GJA3: variants seen among roughly 807,000 people sequenced by gnomAD.
GJA3 encodes gap junction alpha-3 protein.
For synonymous variants in GJA3, 297 were observed against 292.6 expected (o/e 1.02, Z -0.15); for missense variants, 571 against 620.3 (o/e 0.92, Z 0.84).
At chr13:20,146,881 G>A (rs1958845850) in intron 1 of GJA3, among the ~76,000 whole-genome samples, 1 of 152,232 alleles carries the variant, frequency 6.6e-6, no homozygotes, top group Non-Finnish European at 1.5e-5. Flanking sequence ...TCCCTGAGCA[G>A]TGCTGGCTGG....
intron 1 of GJA3, among the ~76,000 whole-genome samples, chr13:20,158,482 T>C (rs1420239489): frequency 6.6e-6 from 1 of 151,984 alleles, no homozygotes. Context: ...AGCTAATTAA[T>C]TTTTATATCT....
chr13:20,142,311 C>G lies in GJA3; in HGVS notation c.978G>C (p.Gln326His). 5.1e-6 allele frequency: 8 copies of G among 1,575,452 alleles called. No homozygotes were observed. Among genetic ancestry groups the G allele is most frequent in the Non-Finnish European group, 6.9e-6 (8 of 1,161,446 alleles). ...GCTCGGCCGCCTGGTTGGCCCAGTT[C>G]TGCTCAGTCATCAGCAGGTGGTGGT... ...NGHHHLLMTE[Q>H]NWANQAAERQ... is the part of the protein sequence containing the mutation. Residue 326 changes from glutamine (Q) to histidine (H), a missense_variant, in exon 2 of 2, where the codon CAG (glutamine) becomes CAC (histidine). Transcript: ENST00000241125.
rs1958806205 is a variant in GJA3 at position 20,141,429 on chromosome 13, G to C, written c.*552C>G. 1 of 152,608 alleles carries C rather than the reference G, an allele frequency of 6.6e-6. No individual in the cohort carries two copies. The highest frequency in any genetic ancestry group is 1.5e-5 in the Non-Finnish European group (1 of 68,046). The allele number at this position is 152,608 out of a possible 1,614,324, so 9.5% of individuals were successfully genotyped here. On this transcript the variant is annotated 3_prime_UTR_variant, in exon 2 of 2. Transcript: ENST00000241125. ...ATCCTGGGCTTCACATGCAATTTCG[G>C]AAACTCAAATGACACTACATAGACT...
intron 1 of GJA3, among the ~76,000 whole-genome samples, chr13:20,155,631 T>C (rs1958903066): frequency 6.6e-6 from 1 of 152,032 alleles, no homozygotes; most frequent in Non-Finnish European, 1.5e-5. Context: ...TGCTAGTTTA[T>C]CTTTTGTTAA....
rs1263787428 is a variant in GJA3 at position 20,140,632 on chromosome 13, C to A, written c.*1349G>T. ...TGTGCAGGACAGAAAATTCTGCCGT[C>A]TTCCAGCCATGCCCACACACATAAA... On this transcript the variant is annotated 3_prime_UTR_variant, in exon 2 of 2. Coordinates refer to ENST00000241125, the MANE Select transcript of GJA3 (RefSeq NM_021954.4). 1.3e-5 allele frequency: 2 copies of A among 152,188 alleles called. No individual in the cohort carries two copies. The highest frequency in any genetic ancestry group is 4.8e-5 in the African/African-American group (2 of 41,434). The allele number at this position is 152,188 out of a possible 1,614,324, so 9.4% of individuals were successfully genotyped here. A position where few individuals can be genotyped will look rare whatever the true frequency, so the allele number is the denominator to read the frequency against.
chr13:20,149,752 AG>A (rs1287222624), intron 1 of GJA3, among the ~76,000 whole-genome samples: 5 of 152,254 alleles, frequency 3.3e-5, no homozygotes, highest in African/African-American at 1.2e-4. Context: ...AGGTGGGAAC[AG>A]GGGTTGTGGG....
rs569105913 is a variant in GJA3 at position 20,159,854 on chromosome 13, G to A, written c.-18+1036C>T. 3.9e-5 allele frequency among the ~76,000 whole-genome samples: 6 copies of A among 152,210 alleles called. No homozygotes were observed. In the South Asian group the frequency reaches 1.2e-3, roughly 32 times the overall value. ...GTTTACTTTGAACACACTGATATTC[G>A]GAAAATAAATCCCTCTTTTTTCCTC... On this transcript the variant is annotated intron_variant, in intron 1 of 1. Transcript: ENST00000241125.
chr13:20,159,671 G>C (rs899494365), intron 1 of GJA3, among the ~76,000 whole-genome samples: 3 of 152,008 alleles, frequency 2.0e-5, no homozygotes, highest in African/African-American at 7.2e-5. Flanking sequence ...GCCAGTTAAC[G>C]GTTCCTGGTT....
rs1262846591 is a variant in GJA3, at chr13:20,140,829, T to G, written c.*1152A>C. ...TTAGGAAGCTTGAAGTGTTTTATTC[T>G]GTACTTTTTAAAAGTGTAGATTGTC... On this transcript the variant is annotated 3_prime_UTR_variant, in exon 2 of 2. Coordinates refer to ENST00000241125, the MANE Select transcript of GJA3 (RefSeq NM_021954.4). 1.3e-5 allele frequency: 2 copies of G among 152,272 alleles called. No individual in the cohort carries two copies. The highest frequency in any genetic ancestry group is 1.9e-4 in the East Asian group (1 of 5,204). 9.4% of individuals were successfully genotyped at this position (152,272 alleles called of 1,614,324 possible).
Position 20,141,849 on chromosome 13 carries a change from C to A in GJA3, c.*132G>T. The A allele has an allele frequency of 2.3e-6, 3 of 1,333,210 alleles. No homozygotes were observed. The South Asian group carries it at 4.3e-5, about 19-fold the overall frequency. The allele number at this position is 1,333,210 out of a possible 1,614,324, so 82.6% of individuals were successfully genotyped here. A position where few individuals can be genotyped will look rare whatever the true frequency, so the allele number is the denominator to read the frequency against. On this transcript the variant is annotated 3_prime_UTR_variant, in exon 2 of 2. Transcript: ENST00000241125. ...GAAACCTGATCTCTCCTCCATCGTC[C>A]ACCTCCTGGGACTCCAGTCGCTCCC...
In GJA3 at chr13:20,138,675, GGTGGC is replaced by G. The variant is rs2141135386; in HGVS notation, c.*3301_*3305del. On this transcript the variant is annotated 3_prime_UTR_variant, in exon 2 of 2. Transcript: ENST00000241125. ...ATTTGTAGGGGTGGCGGGTGGTGAT[GGTGGC>G]AGGACTCTATTCATCTTTGGAAAAC... The G allele has an allele frequency of 1.3e-5, 2 of 152,316 alleles. No homozygotes were observed. Among genetic ancestry groups the G allele is most frequent in the African/African-American group, 4.8e-5 (2 of 41,540 alleles). The allele number at this position is 152,316 out of a possible 1,614,324, so 9.4% of individuals were successfully genotyped here. A position where few individuals can be genotyped will look rare whatever the true frequency, so the allele number is the denominator to read the frequency against.
chr13:20,157,255 T>C lies in GJA3; in HGVS notation c.-18+3635A>G, dbSNP rs375717505. Among the ~76,000 whole-genome samples the C allele has an allele frequency of 4.6e-4, 70 of 152,316 alleles. No individual in the cohort carries two copies. In the South Asian group the frequency reaches 0.014, roughly 30 times the overall value. On this transcript the variant is annotated intron_variant, in intron 1 of 1. Transcript: ENST00000241125. ...AGAAAATTACAGGGGTGCTTCAGCA[T>C]AGCAGCGATCAGAACAGGCTTTTGT...
chr13:20,141,601 A>C lies in GJA3; in HGVS notation c.*380T>G. The C allele has an allele frequency of 5.3e-6, 1 of 187,112 alleles. No homozygotes were observed. Among genetic ancestry groups the C allele is most frequent in the Non-Finnish European group, 1.1e-5 (1 of 91,194 alleles). 11.6% of individuals were successfully genotyped at this position (187,112 alleles called of 1,614,324 possible). Reference sequence around the variant, plus strand: ...CCCAGAGGCTCTGGAGAGCTTAGGAATAGCAAACCCAATTGCCCAGGAGCT... The same window carrying C: ...CCCAGAGGCTCTGGAGAGCTTAGGACTAGCAAACCCAATTGCCCAGGAGCT... On this transcript the variant is annotated 3_prime_UTR_variant, in exon 2 of 2. Coordinates refer to ENST00000241125, the MANE Select transcript of GJA3 (RefSeq NM_021954.4).
Position 20,141,081 on chromosome 13 carries a change from T to C in GJA3, c.*900A>G, listed in dbSNP as rs763170362. On this transcript the variant is annotated 3_prime_UTR_variant, in exon 2 of 2. Transcript: ENST00000241125. ...TGCTAGTAGCATGCATTAGGGCAAATTAGCACTGTCTTGGTCAGCAATCAT... is the reference window on the plus strand; with the variant it reads ...TGCTAGTAGCATGCATTAGGGCAAACTAGCACTGTCTTGGTCAGCAATCAT... The C allele has an allele frequency of 1.3e-5, 2 of 152,214 alleles. No individual in the cohort carries two copies. Among genetic ancestry groups the C allele is most frequent in the Non-Finnish European group, 2.9e-5 (2 of 68,034 alleles). The allele number at this position is 152,214 out of a possible 1,614,324, so 9.4% of individuals were successfully genotyped here.
chr13:20,143,649 T>G (rs149153298), intron 1 of GJA3, among the ~76,000 whole-genome samples: 166 of 152,384 alleles, frequency 1.1e-3, no homozygotes, highest in South Asian at 5.4e-3. Context: ...TTCTGAATCA[T>G]GACCTTTCTG....
rs946255316 is a variant in GJA3, at chr13:20,142,522, G to A, written c.767C>T (p.Pro256Leu). The change falls in exon 2 of 2, where the codon CCC becomes CTC. Residue 256 changes from proline (P) to leucine (L), a missense_variant. Coordinates refer to ENST00000241125, the MANE Select transcript of GJA3 (RefSeq NM_021954.4). Reference protein sequence around the residue: ...PLGTADPPPLPPSSRPPAVAI... With the variant: ...PLGTADPPPLLPSSRPPAVAI... ...AACGGCGGGCGGCCGGGAGCTGGGGGGCAGGGGCGGGGGATCGGCTGTCCC... is the reference window on the plus strand; with the variant it reads ...AACGGCGGGCGGCCGGGAGCTGGGGAGCAGGGGCGGGGGATCGGCTGTCCC... 1.3e-6 allele frequency: 2 copies of A among 1,555,546 alleles called. No individual in the cohort carries two copies. Among genetic ancestry groups the A allele is most frequent in the Admixed American group, 3.9e-5 (2 of 51,550 alleles).
intron 1 of GJA3, among the ~76,000 whole-genome samples, chr13:20,148,255 T>C (rs1958855417): frequency 1.3e-4 from 2 of 15,024 alleles, no homozygotes; most frequent in African/African-American, 1.6e-4. Context: ...CTATGGTTCT[T>C]TTTTTTTTTT....
rs987548753 is a variant in GJA3, at chr13:20,140,807, G to C, written c.*1174C>G. On this transcript the variant is annotated 3_prime_UTR_variant, in exon 2 of 2. Coordinates refer to ENST00000241125, the MANE Select transcript of GJA3 (RefSeq NM_021954.4). ...ACAGGCTGCCCACAAAGAATGATTAGGAAGCTTGAAGTGTTTTATTCTGTA... is the reference window on the plus strand; with the variant it reads ...ACAGGCTGCCCACAAAGAATGATTACGAAGCTTGAAGTGTTTTATTCTGTA... 1.3e-5 allele frequency: 2 copies of C among 152,188 alleles called. No homozygotes were observed. Among genetic ancestry groups the C allele is most frequent in the African/African-American group, 2.4e-5 (1 of 41,454 alleles). The allele number at this position is 152,188 out of a possible 1,614,324, so 9.4% of individuals were successfully genotyped here. A position where few individuals can be genotyped will look rare whatever the true frequency, so the allele number is the denominator to read the frequency against.
intron 1 of GJA3, among the ~76,000 whole-genome samples, chr13:20,150,764 G>A (rs536153686): frequency 2.0e-5 from 3 of 152,332 alleles, no homozygotes; most frequent in Admixed American, 6.5e-5. Flanking sequence ...ACTTGCCTCC[G>A]ATGGGTGAGG....
Sources: gnomAD v4.1 joint callset for allele counts (sites outside exome capture counted in the v4.1 genomes callset) on GRCh38, gnomAD v4.1.1 for gene constraint, MANE v1.5 for transcripts, NCBI Gene and HGNC (gene_info 2026-07-23, HGNC 2026-07-21) for gene names.